Variants in ABCA1 observed in about 807,000 individuals in gnomAD.
The protein encoded by ABCA1 is phospholipid-transporting ATPase ABCA1.
A neutral mutation model predicts 262.5 loss-of-function variants in ABCA1; 133 were observed. That is an observed-to-expected ratio of 0.51 (90% CI 0.44 to 0.59). The LOEUF is 0.59. Ranked by LOEUF, ABCA1 falls within the 20% of genes least tolerant of loss-of-function variation. The pLI, the probability that ABCA1 is intolerant of heterozygous loss-of-function variation, is 0.00. For missense variants in ABCA1, 2,452 were observed against 2,777.5 expected (o/e 0.88, Z 2.63); for synonymous variants, 1,022 against 1,043.5 (o/e 0.98, Z 0.40).
intron 24 of ABCA1, among the ~76,000 whole-genome samples, chr9:104,816,605 G>GGATGGGTC (rs1831790591): frequency 6.9e-6 from 1 of 145,278 alleles, no homozygotes; most frequent in Non-Finnish European, 1.5e-5. Flanking sequence ...CTGGATGGGT[G>GGATGGGTC]GATGGGTGAA....
At chr9:104,884,655 G>T in intron 3 of ABCA1, 87 bp from the exon 4 acceptor site, 1 of 1,488,730 alleles carries the variant, frequency 6.7e-7, no homozygotes. Flanking sequence ...AATGCTTCAT[G>T]CCAAGTCTGT....
Position 104,908,592 on chromosome 9 carries a change from C to T in ABCA1, c.-92-4821G>A, listed in dbSNP as rs541807286. Among the ~76,000 whole-genome samples, 11 of 152,224 alleles carry T rather than the reference C, an allele frequency of 7.2e-5. No homozygotes were observed. The South Asian group carries it at 1.5e-3, about 20-fold the overall frequency. On this transcript the variant is annotated intron_variant, in intron 1 of 49. Coordinates refer to ENST00000374736, the MANE Select transcript of ABCA1 (RefSeq NM_005502.4). ...AGGAGAATTGCTTGAACCTGGGAGG[C>T]GGAGGTTGCAGTGAGCTGAGATCGC... is the stretch of plus-strand genomic sequence containing the variant.
chr9:104,788,618 G>A, intron 44 of ABCA1, 51 bp from the exon 45 acceptor site: 1 of 1,603,476 alleles, frequency 6.2e-7, no homozygotes, highest in Non-Finnish European at 8.5e-7. Flanking sequence ...GAGATACTCT[G>A]GTTAGACAAT....
intron 49 of ABCA1, among the ~76,000 whole-genome samples, chr9:104,784,913 G>T (rs1225261487): frequency 6.6e-6 from 1 of 152,062 alleles, no homozygotes. Context: ...CAAAGTGCTG[G>T]GATTACAGGC....
At chr9:104,863,481 G>A (rs1836812782) in intron 5 of ABCA1, among the ~76,000 whole-genome samples, 1 of 152,166 alleles carries the variant, frequency 6.6e-6, no homozygotes, top group African/African-American at 2.4e-5. Flanking sequence ...TCTGAAAATG[G>A]GGCTACAGTG....
At chr9:104,893,272 A>T (rs1320115511) in intron 2 of ABCA1, among the ~76,000 whole-genome samples, 2 of 151,882 alleles carry the variant, frequency 1.3e-5, no homozygotes, top group Non-Finnish European at 2.9e-5. Context: ...AATACAAAAA[A>T]ATAGCTGGGC....
At chr9:104,868,079 A>G (rs535983769) in intron 5 of ABCA1, among the ~76,000 whole-genome samples, 1 of 152,316 alleles carries the variant, frequency 6.6e-6, no homozygotes, top group South Asian at 2.1e-4. Context: ...CCTAAGCCTC[A>G]GTTTCCTTGG....
At position 104,798,583 on chromosome 9, in the gene ABCA1, C is replaced by T; in HGVS notation, c.4959G>A (p.Val1653=). Residue 1653 remains valine (V), a synonymous_variant, in exon 37 of 50, where the codon GTG becomes GTA. Coordinates refer to ENST00000374736, the MANE Select transcript of ABCA1 (RefSeq NM_005502.4). ...LSEVALMTTS[V]DVLVSICVIF... is the part of the protein sequence containing the mutation. ...TGACACAGATGGACACAAGGACATC[C>T]ACTGATGTGGTCATCCTGGAGAGAA... The T allele has an allele frequency of 6.2e-7, 1 of 1,614,086 alleles. No individual in the cohort carries two copies. Among genetic ancestry groups the T allele is most frequent in the Non-Finnish European group, 8.5e-7 (1 of 1,179,992 alleles).
rs770801372 is a variant in ABCA1, at chr9:104,909,654, A to ACACATACACG, written c.-92-5884_-92-5883insCGTGTATGTG. Among the ~76,000 whole-genome samples, 342 of 146,620 alleles carry ACACATACACG rather than the reference A, an allele frequency of 2.3e-3. 6 individuals carry two copies. Among genetic ancestry groups the ACACATACACG allele is most frequent in the African/African-American group, 8.3e-3 (325 of 39,354 alleles). ...CACACACACACACACACACACACACATTCACAGGAAGCTGGCTGTGAAGGG... is the reference window on the plus strand; with the variant it reads ...CACACACACACACACACACACACACACACATACACGTTCACAGGAAGCTGGCTGTGAAGGG... On this transcript the variant is annotated intron_variant, in intron 1 of 49. Transcript: ENST00000374736.
intron 2 of ABCA1, among the ~76,000 whole-genome samples, chr9:104,896,611 T>C (rs1840223597): frequency 6.6e-6 from 1 of 151,340 alleles, no homozygotes; most frequent in African/African-American, 2.4e-5. Flanking sequence ...TATCAGAATG[T>C]TCATCAAATT....
intron 1 of ABCA1, among the ~76,000 whole-genome samples, chr9:104,909,789 T>C (rs753298674): frequency 2.6e-5 from 4 of 151,866 alleles, no homozygotes; most frequent in Non-Finnish European, 5.9e-5. Context: ...AGATGAGAGA[T>C]GAGAATTATA....
At chr9:104,865,602 G>T (rs894976498) in intron 5 of ABCA1, among the ~76,000 whole-genome samples, 9 of 152,128 alleles carry the variant, frequency 5.9e-5, no homozygotes, top group Non-Finnish European at 1.3e-4. Flanking sequence ...AAACATCAGG[G>T]TTTGGGACCA....
At chr9:104,830,246 G>A (rs1451152581) in intron 14 of ABCA1, among the ~76,000 whole-genome samples, 3 of 152,238 alleles carry the variant, frequency 2.0e-5, no homozygotes, top group Non-Finnish European at 4.4e-5. Context: ...CTAGGGAGAA[G>A]AAGTGCACAC....
chr9:104,816,640 T>G (rs1831796845), intron 24 of ABCA1, among the ~76,000 whole-genome samples: 1 of 8,332 alleles, frequency 1.2e-4, no homozygotes, highest in Non-Finnish European at 2.2e-4. Context: ...GATGGAAGGA[T>G]GGGTGGGTGG....
chr9:104,836,848 G>A, intron 11 of ABCA1, 132 bp downstream of exon 11: 1 of 749,812 alleles, frequency 1.3e-6, no homozygotes. Context: ...TGTGACTTTA[G>A]CTATGCTCAC....
At chr9:104,831,311 G>C (rs963360695) in intron 13 of ABCA1, among the ~76,000 whole-genome samples, 3 of 151,152 alleles carry the variant, frequency 2.0e-5, no homozygotes, top group Non-Finnish European at 2.9e-5. Context: ...TCTGCCTCCT[G>C]GGTTCAAGCA....
chr9:104,907,052 A>T (rs117633647), intron 1 of ABCA1, among the ~76,000 whole-genome samples: 1 of 152,268 alleles, frequency 6.6e-6, no homozygotes, highest in Non-Finnish European at 1.5e-5. Context: ...TCAGCACCTG[A>T]ACATAGAGTC....
intron 37 of ABCA1, among the ~76,000 whole-genome samples, chr9:104,797,736 T>C (rs1018338142): frequency 1.3e-5 from 2 of 152,252 alleles, no homozygotes; most frequent in African/African-American, 4.8e-5. Flanking sequence ...TATTCTCATA[T>C]ATCATCTTAT....
At chr9:104,906,224 G>GT (rs1345482053) in intron 1 of ABCA1, among the ~76,000 whole-genome samples, 7 of 152,176 alleles carry the variant, frequency 4.6e-5, no homozygotes, top group African/African-American at 1.7e-4. Flanking sequence ...GGGCAAAGCA[G>GT]TAAGGATGAA....
Sources: gnomAD v4.1 joint callset for allele counts (sites outside exome capture counted in the v4.1 genomes callset) on GRCh38, gnomAD v4.1.1 for gene constraint, MANE v1.5 for transcripts, NCBI Gene and HGNC (gene_info 2026-07-23, HGNC 2026-07-21) for gene names.